GALNT18: variants seen among roughly 807,000 people sequenced by gnomAD.
GALNT18 encodes the protein polypeptide N-acetylgalactosaminyltransferase 18.
Under a neutral mutation model 69.5 loss-of-function variants are expected in GALNT18, and 44 were observed. The observed-to-expected ratio is 0.63, with a 90% confidence interval of 0.50 to 0.81. GALNT18 has a LOEUF of 0.81. GALNT18 is among the 40% of genes least tolerant of loss of function. The probability of loss-of-function intolerance (pLI) is 0.00; values close to 1 mark genes in which losing one functional copy is unlikely to be tolerated. For missense variants in GALNT18, 715 were observed against 810.0 expected (o/e 0.88, Z 1.42); for synonymous variants, 364 against 318.2 (o/e 1.14, Z -1.53).
chr11:11,472,177 TGGATGGG>T (rs1218881887), intron 1 of GALNT18, among the ~76,000 whole-genome samples: 1 of 152,158 alleles, frequency 6.6e-6, no homozygotes, highest in Non-Finnish European at 1.5e-5. Context: ...CTCCACTACC[TGGATGGG>T]GGCCATGTCT....
At chr11:11,559,966 GCGATGGAAC>G in intron 1 of GALNT18, among the ~76,000 whole-genome samples, 1 of 147,564 alleles carries the variant, frequency 6.8e-6, no homozygotes, top group South Asian at 2.2e-4. Context: ...ATGATGGGAT[GCGATGGAAC>G]AGAATGAGAT....
At chr11:11,594,848 T>TATACAC (rs1488821833) in intron 1 of GALNT18, among the ~76,000 whole-genome samples, 2,212 of 114,128 alleles carry the variant, frequency 0.019, 27 homozygotes, top group South Asian at 0.06. Flanking sequence ...TATACACATA[T>TATACAC]ACATACATAC....
intron 3 of GALNT18, among the ~76,000 whole-genome samples, chr11:11,411,653 C>A (rs1367202195): frequency 1.3e-5 from 2 of 152,204 alleles, no homozygotes; most frequent in Non-Finnish European, 2.9e-5. Context: ...TGGCATGGGA[C>A]AATATTAGAG....
At chr11:11,471,180 C>T (rs1361061815) in intron 1 of GALNT18, among the ~76,000 whole-genome samples, 5 of 152,148 alleles carry the variant, frequency 3.3e-5, no homozygotes, top group East Asian at 3.9e-4. Flanking sequence ...CCTGTCCATC[C>T]GTCCTTCTGG....
In GALNT18 at chr11:11,563,271, C is replaced by T. The variant is rs1298823396; in HGVS notation, c.235+58088G>A. Among the ~76,000 whole-genome samples the T allele has an allele frequency of 2.0e-5, 3 of 152,160 alleles. No individual in the cohort carries two copies. Among genetic ancestry groups the T allele is most frequent in the Non-Finnish European group, 4.4e-5 (3 of 68,038 alleles). ...AGACTTGGCTCTTCCTGGCTTTGTT[C>T]TCATAGGGCAATTTCAGCTCCATCT... is the stretch of plus-strand genomic sequence containing the variant. On this transcript the variant is annotated intron_variant, in intron 1 of 10. Transcript: ENST00000227756. The surrounding 1 kb of genome is among the most constrained non-coding windows in gnomAD (Gnocchi z 4.6).
chr11:11,568,253 T>TACTAA (rs1858700665), intron 1 of GALNT18, among the ~76,000 whole-genome samples: 4 of 152,184 alleles, frequency 2.6e-5, no homozygotes. Context: ...TTGAGGTTGT[T>TACTAA]TGTTATGCAG....
rs1859761527 is a variant in GALNT18 at position 11,606,571 on chromosome 11, A to T, written c.235+14788T>A. 6.6e-6 allele frequency among the ~76,000 whole-genome samples: 1 copy of T among 152,146 alleles called. No homozygotes were observed. Among genetic ancestry groups the T allele is most frequent in the Non-Finnish European group, 1.5e-5 (1 of 68,028 alleles). On this transcript the variant is annotated intron_variant, in intron 1 of 10. Transcript: ENST00000227756. The surrounding 1 kb of genome is among the most constrained non-coding windows in gnomAD (Gnocchi z 5.4). The stretch of plus-strand genomic sequence containing the variant: ...GAAGAAGCTCTGTTCCCAGATACGG[A>T]GGCAGCATCACTAGGAGCTGTTGGA...
chr11:11,611,178 T>C (rs1859890873), intron 1 of GALNT18, among the ~76,000 whole-genome samples: 1 of 152,240 alleles, frequency 6.6e-6, no homozygotes. Flanking sequence ...TCCCAGCATA[T>C]AACTCACAAG....
chr11:11,552,583 TC>T (rs138547037), intron 1 of GALNT18, among the ~76,000 whole-genome samples: 30,775 of 152,056 alleles, frequency 0.2, 3,717 homozygotes, highest in Non-Finnish European at 0.26. Context: ...TTACTTAACC[TC>T]AGCCTCAGAG....
chr11:11,338,691 C>T lies in GALNT18; in HGVS notation c.1278+2128G>A, dbSNP rs1195153351. Among the ~76,000 whole-genome samples the T allele has an allele frequency of 6.6e-6, 1 of 152,014 alleles. No individual in the cohort carries two copies. The highest frequency in any genetic ancestry group is 1.5e-5 in the Non-Finnish European group (1 of 68,006). On this transcript the variant is annotated intron_variant, in intron 7 of 10. Coordinates refer to ENST00000227756, the MANE Select transcript of GALNT18 (RefSeq NM_198516.3). The surrounding 1 kb of genome is among the most constrained non-coding windows in gnomAD (Gnocchi z 5.3). ...GGAGATGTGAGTCTGAAAGTGAAGG[C>T]AGAAATCAGGGGTAGAGATATTAAT...
At chr11:11,520,088 C>G (rs1310803366) in intron 1 of GALNT18, among the ~76,000 whole-genome samples, 3 of 152,226 alleles carry the variant, frequency 2.0e-5, no homozygotes, top group South Asian at 4.1e-4. Flanking sequence ...TGTGGGTAGG[C>G]CCCTGGAGAG....
At chr11:11,273,890 G>A (rs753592713) in intron 10 of GALNT18, among the ~76,000 whole-genome samples, 2 of 152,150 alleles carry the variant, frequency 1.3e-5, no homozygotes, top group Non-Finnish European at 2.9e-5. Flanking sequence ...TGGTTTCACT[G>A]TCAAGATGGC....
chr11:11,286,278 A>G (rs1294474691), intron 10 of GALNT18, among the ~76,000 whole-genome samples: 1 of 152,212 alleles, frequency 6.6e-6, no homozygotes, highest in Non-Finnish European at 1.5e-5. Context: ...GTTTTAGTAT[A>G]AAATATTTCC....
At position 11,413,184 on chromosome 11, in the gene GALNT18, C is replaced by T. The variant is rs896940625; in HGVS notation, c.595+19437G>A. ...CAGAGTCTGCTTCTGGGGGAACAGC[C>T]TCTCCAAGGAGAAGCTAGAGAAGCT... On this transcript the variant is annotated intron_variant, in intron 3 of 10. Coordinates refer to ENST00000227756, the MANE Select transcript of GALNT18 (RefSeq NM_198516.3). This position sits in a 1 kb window ranked among gnomAD's most constrained non-coding sequence, Gnocchi z 4.7. Among the ~76,000 whole-genome samples, 1 of 152,218 alleles carries T rather than the reference C, an allele frequency of 6.6e-6. No homozygotes were observed. The highest frequency in any genetic ancestry group is 1.5e-5 in the Non-Finnish European group (1 of 68,038).
Position 11,587,109 on chromosome 11 carries a change from C to A in GALNT18, c.235+34250G>T, listed in dbSNP as rs1859246776. ...ATTATCCTGACCCCTCCCCCAGTAT[C>A]CAAACCTTCCCCAAGAGCCAGCCAC... On this transcript the variant is annotated intron_variant, in intron 1 of 10. Transcript: ENST00000227756. The surrounding 1 kb of genome is among the most constrained non-coding windows in gnomAD (Gnocchi z 4.4). Among the ~76,000 whole-genome samples the A allele has an allele frequency of 6.6e-6, 1 of 152,230 alleles. No homozygotes were observed. Among genetic ancestry groups the A allele is most frequent in the African/African-American group, 2.4e-5 (1 of 41,466 alleles).
intron 1 of GALNT18, among the ~76,000 whole-genome samples, chr11:11,615,644 G>C (rs1860025703): frequency 6.6e-6 from 1 of 151,954 alleles, no homozygotes; most frequent in Admixed American, 6.6e-5. Flanking sequence ...TCCTGAAACA[G>C]TTATTTTCAA....
intron 9 of GALNT18, among the ~76,000 whole-genome samples, chr11:11,303,038 G>A (rs555745939): frequency 1.3e-5 from 2 of 152,312 alleles, no homozygotes; most frequent in Admixed American, 1.3e-4. Flanking sequence ...TGTCAGCCCT[G>A]TTTGTGGCTA....
In GALNT18 at chr11:11,341,064, C is replaced by T; in HGVS notation, c.1093-60G>A. On this transcript the variant is annotated intron_variant, in intron 6 of 10. Coordinates refer to ENST00000227756, the MANE Select transcript of GALNT18 (RefSeq NM_198516.3). The surrounding 1 kb of genome is among the most constrained non-coding windows in gnomAD (Gnocchi z 6.3). ...CCTGGCTCTGCCTTTCTACACCAGG[C>T]CTCAGGCAGCCACTTGACATGAGCA... is the stretch of plus-strand genomic sequence containing the variant. 6.7e-7 allele frequency: 1 copy of T among 1,485,024 alleles called. No homozygotes were observed. Among genetic ancestry groups the T allele is most frequent in the Non-Finnish European group, 9.1e-7 (1 of 1,100,582 alleles). The allele number at this position is 1,485,024 out of a possible 1,614,324, so 92.0% of individuals were successfully genotyped here. A position where few individuals can be genotyped will look rare whatever the true frequency, so the allele number is the denominator to read the frequency against.
intron 1 of GALNT18, among the ~76,000 whole-genome samples, chr11:11,610,963 A>C (rs1167161313): frequency 6.6e-6 from 1 of 152,230 alleles, no homozygotes; most frequent in Non-Finnish European, 1.5e-5. Flanking sequence ...AAGCATTATA[A>C]CTGCAATAGA....
Sources: allele counts gnomAD v4.1 joint callset (sites outside exome capture counted in the v4.1 genomes callset), GRCh38; gene constraint gnomAD v4.1.1; non-coding constraint Gnocchi (gnomAD v3.1); transcripts MANE v1.5; gene names NCBI Gene and HGNC (gene_info 2026-07-23, HGNC 2026-07-21).